The following CDH4 variants were observed in gnomAD, a reference collection of about 807,000 sequenced individuals.
CDH4 encodes cadherin 4, also known as cadherin-4.
In CDH4, 33 loss-of-function variants were observed where a neutral mutation model predicts 86.0. The ratio of observed to expected loss-of-function variants is 0.38; its 90% CI spans 0.29 to 0.51. CDH4 has a LOEUF of 0.51. Among genes scored for constraint, CDH4 ranks in the 20% least tolerant of loss-of-function variants. The pLI is 0.86. For synonymous variants in CDH4, 555 were observed against 549.4 expected, an observed-to-expected ratio of 1.01 and a Z score of -0.14; for missense variants, 1,114 against 1,307.4, an observed-to-expected ratio of 0.85 and a Z score of 2.28.
intron 2 of CDH4, among the ~76,000 whole-genome samples, chr20:61,391,522 G>C (rs1171186632): frequency 1.4e-5 from 2 of 146,900 alleles, no homozygotes; most frequent in African/African-American, 2.6e-5. Flanking sequence ...GTGGCGTAAG[G>C]GGCTCAGCAA....
chr20:61,387,243 AAC>A (rs1285691478), intron 2 of CDH4, among the ~76,000 whole-genome samples: 1 of 151,506 alleles, frequency 6.6e-6, no homozygotes, highest in Non-Finnish European at 1.5e-5. Context: ...CAGCCACACA[AAC>A]ACACAGAGGC....
chr20:61,460,942 C>T (rs887140761), intron 2 of CDH4, among the ~76,000 whole-genome samples: 2 of 152,124 alleles, frequency 1.3e-5, no homozygotes, highest in African/African-American at 2.4e-5. Flanking sequence ...CTCCATCAGC[C>T]CCTGTTAGGG....
intron 2 of CDH4, among the ~76,000 whole-genome samples, chr20:61,257,909 G>A (rs115443721): frequency 1.1e-4 from 17 of 152,310 alleles, no homozygotes; most frequent in South Asian, 4.1e-4. Flanking sequence ...GAGGGCTCCC[G>A]GGTCGTATCT....
intron 2 of CDH4, among the ~76,000 whole-genome samples, chr20:61,291,041 C>G (rs2084317819): frequency 6.6e-6 from 1 of 152,134 alleles, no homozygotes; most frequent in African/African-American, 2.4e-5. Flanking sequence ...CGTGGGGCAT[C>G]TGTGTGTCCC....
intron 2 of CDH4, among the ~76,000 whole-genome samples, chr20:61,581,730 G>A (rs140771949): frequency 6.6e-6 from 1 of 152,192 alleles, no homozygotes; most frequent in South Asian, 2.1e-4. Context: ...CTCTGCCAGG[G>A]TCTTTGGCTG....
chr20:61,915,420 G>T lies in CDH4; in HGVS notation c.1374+4813G>T, dbSNP rs138666506. 1.2e-3 allele frequency among the ~76,000 whole-genome samples: 179 copies of T among 152,320 alleles called. 1 individual carries two copies. Among genetic ancestry groups the T allele is most frequent in the African/African-American group, 4.1e-3 (171 of 41,576 alleles). ...TCCTAGTGCCATGAGGAGGGGACAC[G>T]GAGGCTTGAGGAGGGGTCCAAGGCC... On this transcript the variant is annotated intron_variant, in intron 9 of 15. Coordinates refer to ENST00000614565, the MANE Select transcript of CDH4 (RefSeq NM_001794.5).
intron 4 of CDH4, among the ~76,000 whole-genome samples, chr20:61,804,042 A>G (rs939944791): frequency 1.1e-4 from 16 of 152,258 alleles, no homozygotes; most frequent in African/African-American, 3.9e-4. Flanking sequence ...GTTCTTGCCA[A>G]GAGAGAGGCG....
intron 2 of CDH4, among the ~76,000 whole-genome samples, chr20:61,464,425 A>G (rs1273866115): frequency 6.6e-6 from 1 of 152,206 alleles, no homozygotes; most frequent in East Asian, 1.9e-4. Context: ...CTGCTACTAC[A>G]ATTCAGTTGA....
At chr20:61,852,990 G>T in intron 6 of CDH4, 92 bp downstream of exon 6, 1 of 1,353,834 alleles carries the variant, frequency 7.4e-7, no homozygotes, top group Non-Finnish European at 1.0e-6. Context: ...CTTAGTCCCC[G>T]CTACCAGGAT....
chr20:61,343,596 G>A (rs953494414), intron 2 of CDH4, among the ~76,000 whole-genome samples: 1 of 152,190 alleles, frequency 6.6e-6, no homozygotes, highest in Non-Finnish European at 1.5e-5. Flanking sequence ...GCGGCAGTCA[G>A]CATAGGCAAG....
chr20:61,353,949 C>T (rs2084731419), intron 2 of CDH4, among the ~76,000 whole-genome samples: 1 of 151,988 alleles, frequency 6.6e-6, no homozygotes, highest in Admixed American at 6.6e-5. Context: ...AAGGACTTAT[C>T]TTCTGTGTCA....
intron 2 of CDH4, among the ~76,000 whole-genome samples, chr20:61,276,024 C>T (rs1486692437): frequency 1.3e-5 from 2 of 152,130 alleles, no homozygotes; most frequent in Non-Finnish European, 2.9e-5. Flanking sequence ...TCACTGACAG[C>T]GGGTTCGTTA....
intron 2 of CDH4, among the ~76,000 whole-genome samples, chr20:61,715,560 A>G (rs1032778031): frequency 2.6e-5 from 4 of 152,230 alleles, no homozygotes; most frequent in Non-Finnish European, 5.9e-5. Context: ...TCACGAGGGC[A>G]GAGCCCTGAT....
chr20:61,866,839 A>G (rs1317348440), intron 6 of CDH4, among the ~76,000 whole-genome samples: 1 of 152,240 alleles, frequency 6.6e-6, no homozygotes, highest in Non-Finnish European at 1.5e-5. Flanking sequence ...AGCAAAAAGA[A>G]AAAAGCGTAG....
intron 6 of CDH4, among the ~76,000 whole-genome samples, chr20:61,872,940 G>A (rs1983869719): frequency 6.6e-6 from 1 of 152,174 alleles, no homozygotes; most frequent in South Asian, 2.1e-4. Flanking sequence ...GAGGCCACAG[G>A]GTGGGGCGTG....
rs995069300 is a variant in CDH4 at position 61,901,186 on chromosome 20, G to T, written c.1188+6139G>T. Among the ~76,000 whole-genome samples, 8 of 133,962 alleles carry T rather than the reference G, an allele frequency of 6.0e-5. 1 individual carries two copies. The highest frequency in any genetic ancestry group is 3.8e-3 in the Middle Eastern group (1 of 266). The allele number at this position is 133,962 out of a possible 152,430, so 87.9% of individuals were successfully genotyped here. A position where few individuals can be genotyped will look rare whatever the true frequency, so the allele number is the denominator to read the frequency against. On this transcript the variant is annotated intron_variant, in intron 8 of 15. Coordinates refer to ENST00000614565, the MANE Select transcript of CDH4 (RefSeq NM_001794.5). ...AAATGACTGGTCCTTTCACTCAAGC[G>T]GGTATTGCAGTGAGCAGGAGCAGGA...
At chr20:61,551,562 G>A (rs1460289464) in intron 2 of CDH4, among the ~76,000 whole-genome samples, 1 of 152,184 alleles carries the variant, frequency 6.6e-6, no homozygotes, top group Non-Finnish European at 1.5e-5. Context: ...TGCCATTGGG[G>A]AACTTCCTAT....
At chr20:61,419,921 A>G (rs549388519) in intron 2 of CDH4, among the ~76,000 whole-genome samples, 55 of 152,358 alleles carry the variant, frequency 3.6e-4, no homozygotes, top group African/African-American at 1.3e-3. Flanking sequence ...GTCGGTGATC[A>G]TCCTGAGGGC....
chr20:61,345,695 C>T (rs138983256), intron 2 of CDH4, among the ~76,000 whole-genome samples: 19 of 152,300 alleles, frequency 1.2e-4, no homozygotes, highest in African/African-American at 1.9e-4. Context: ...TTTGTGGTCA[C>T]CCCTGCACTG....
Sources: allele counts gnomAD v4.1 joint callset (sites outside exome capture counted in the v4.1 genomes callset), GRCh38; gene constraint gnomAD v4.1.1; transcripts MANE v1.5; gene names NCBI Gene and HGNC (gene_info 2026-07-23, HGNC 2026-07-21).